Variants in GALNS observed in about 807,000 individuals in gnomAD.
GALNS encodes the protein galactosamine (N-acetyl)-6-sulfatase, also known as N-acetylgalactosamine-6-sulfatase.
GALNS carries 65 observed loss-of-function variants against 65.9 expected under a neutral mutation model. The ratio of observed to expected loss-of-function variants is 0.99; its 90% confidence interval spans 0.81 to 1.21. GALNS has a LOEUF of 1.21. Ranked by LOEUF, GALNS falls within the 50% of genes most tolerant of loss-of-function variation. The pLI is 0.00. For missense variants in GALNS, 776 were observed against 700.7 expected (o/e 1.11, Z -1.21); for synonymous variants, 346 against 288.9 (o/e 1.20, Z -2.00).
intron 1 of GALNS, among the ~76,000 whole-genome samples, chr16:88,852,120 A>G (rs1967533716): frequency 6.6e-6 from 1 of 152,180 alleles, no homozygotes; most frequent in Non-Finnish European, 1.5e-5. Flanking sequence ...GCCCACTGAC[A>G]CCTCATACAG....
intron 1 of GALNS, among the ~76,000 whole-genome samples, chr16:88,851,186 C>T (rs1967492000): frequency 6.6e-6 from 1 of 152,106 alleles, no homozygotes; most frequent in Non-Finnish European, 1.5e-5. Context: ...CACAGGGCAC[C>T]ACGGGCAGGA....
intron 9 of GALNS, among the ~76,000 whole-genome samples, chr16:88,829,770 A>G (rs2142997627): frequency 6.6e-6 from 1 of 152,230 alleles, no homozygotes; most frequent in South Asian, 2.1e-4. Context: ...AGTGGGGAAG[A>G]GGAGGATCTG....
chr16:88,835,812 T>C lies in GALNS; in HGVS notation c.671A>G (p.His224Arg). 2.5e-6 allele frequency: 4 copies of C among 1,613,994 alleles called. No individual in the cohort carries two copies. Among genetic ancestry groups the C allele is most frequent in the Non-Finnish European group, 3.4e-6 (4 of 1,179,978 alleles). ...GACAGCCCAGTAGAGGAAAAAGGGG[T>C]GGTGCCGTGCCTGTCTCTTAATGAA... ...LDFIKRQARHHPFFLYWAVDA... is the reference protein window; with the variant it reads ...LDFIKRQARHRPFFLYWAVDA... Residue 224 changes from histidine (H) to arginine (R), a missense_variant, in exon 7 of 14, where the codon CAC becomes CGC. By Grantham distance (29) the His-to-Arg change is conservative. Transcript: ENST00000268695.
Position 88,813,839 on chromosome 16 carries a change from T to C in GALNS, c.*600A>G, listed in dbSNP as rs1367978688. 1.3e-5 allele frequency: 2 copies of C among 157,004 alleles called. No homozygotes were observed. The highest frequency in any genetic ancestry group is 4.8e-5 in the African/African-American group (2 of 41,480). The allele number at this position is 157,004 out of a possible 1,614,324, so 9.7% of individuals were successfully genotyped here. On this transcript the variant is annotated 3_prime_UTR_variant, in exon 14 of 14. Transcript: ENST00000268695. ...CCTCATAATTAGCGTCCAGGGAAAT[T>C]CCTTGTGGACAAAGGACAGACGGAA...
Position 88,814,184 on chromosome 16 carries a change from G to A in GALNS, c.*255C>T. On this transcript the variant is annotated 3_prime_UTR_variant, in exon 14 of 14. Transcript: ENST00000268695. ...GGGTTCACAAAGGCGTGAGACGGCA[G>A]GGTCCTGAGGTCTGAGGCGCCGTGG... is the stretch of plus-strand genomic sequence containing the variant. 1.7e-6 allele frequency: 1 copy of A among 576,500 alleles called. No individual in the cohort carries two copies. The highest frequency in any genetic ancestry group is 2.0e-5 in the South Asian group (1 of 50,300). The allele number at this position is 576,500 out of a possible 1,614,324, so 35.7% of individuals were successfully genotyped here.
At chr16:88,854,057 C>T (rs957205544) in intron 1 of GALNS, among the ~76,000 whole-genome samples, 8 of 152,260 alleles carry the variant, frequency 5.3e-5, no homozygotes, top group Non-Finnish European at 1.0e-4. Context: ...AGGCCCCCCA[C>T]TGCCCAGCCA....
At position 88,856,887 on chromosome 16, in the gene GALNS, G is replaced by C. The variant is rs781533703; in HGVS notation, c.-10C>G. On this transcript the variant is annotated 5_prime_UTR_variant, in exon 1 of 14. Transcript: ENST00000268695. Reference sequence around the variant, plus strand: ...CGACAACCGCCGCCATGGCAACCACGGGAGCCGCGGAGCCCCGGCCAGCGA... The same window carrying C: ...CGACAACCGCCGCCATGGCAACCACCGGAGCCGCGGAGCCCCGGCCAGCGA... 4 of 1,504,914 alleles carry C rather than the reference G, an allele frequency of 2.7e-6. No individual in the cohort carries two copies. Among genetic ancestry groups the C allele is most frequent in the East Asian group, 5.5e-5 (2 of 36,666 alleles). The allele number at this position is 1,504,914 out of a possible 1,614,324, so 93.2% of individuals were successfully genotyped here. A position where few individuals can be genotyped will look rare whatever the true frequency, so the allele number is the denominator to read the frequency against.
At chr16:88,855,869 G>T in intron 1 of GALNS, 1 of 503,386 alleles carries the variant, frequency 2.0e-6, no homozygotes, top group Non-Finnish European at 3.6e-6. Context: ...GGGGCTGAGC[G>T]ACACCGACGG....
At chr16:88,824,599 T>C (rs888477741) in intron 11 of GALNS, among the ~76,000 whole-genome samples, 168 bp downstream of exon 11, 1 of 152,122 alleles carries the variant, frequency 6.6e-6, no homozygotes, top group East Asian at 1.9e-4. Flanking sequence ...TCAGCTGCCA[T>C]GCCCTAGGCC....
In GALNS at chr16:88,835,794, C is replaced by T. The variant is rs118204449; in HGVS notation, c.689G>A (p.Trp230Ter). The change falls in exon 7 of 14, where the codon TGG becomes TAG. Residue 230 changes from tryptophan to a stop codon, truncating the protein, a stop_gained. Coordinates refer to ENST00000268695, the MANE Select transcript of GALNS (RefSeq NM_000512.5). LOFTEE classifies it high-confidence loss of function. ...GGGTGCGTGCGTGGCGTCGACAGCC[C>T]AGTAGAGGAAAAAGGGGTGGTGCCG... ...QARHHPFFLY[W>*]AVDATHAPVY... 1 of 1,614,136 alleles carries T rather than the reference C, an allele frequency of 6.2e-7. No homozygotes were observed. Among genetic ancestry groups the T allele is most frequent in the Non-Finnish European group, 8.5e-7 (1 of 1,180,020 alleles).
In GALNS at chr16:88,832,030, C is replaced by A. The variant is rs569725890; in HGVS notation, c.970G>T (p.Ala324Ser). 31 of 1,613,634 alleles carry A rather than the reference C, an allele frequency of 1.9e-5. No homozygotes were observed. Among genetic ancestry groups the A allele is most frequent in the Non-Finnish European group, 2.4e-5 (28 of 1,179,886 alleles). ...FEGGMREPAL[A>S]WWPGHVTAGQ... ...GCAGTGACGTGCCCTGGCCACCATG[C>A]GAGGGCAGGCTCCCTCATCCCTCCT... The change falls in exon 9 of 14, where the codon GCA (alanine) becomes TCA (serine). Residue 324 changes from alanine to serine, a missense_variant. Coordinates refer to ENST00000268695, the MANE Select transcript of GALNS (RefSeq NM_000512.5).
chr16:88,827,851 G>A (rs1911092360), intron 9 of GALNS, among the ~76,000 whole-genome samples: 1 of 152,230 alleles, frequency 6.6e-6, no homozygotes, highest in Non-Finnish European at 1.5e-5. Context: ...GGGCAGCTGG[G>A]CAGGGACCGC....
chr16:88,818,049 G>A lies in GALNS; in HGVS notation c.1440C>T (p.Val480=), dbSNP rs1196615015. The part of the protein sequence containing the change: ...SVVQQHQEAL[V]PAQPQLNVCN... ...ACACGTTGAGCTGGGGCTGCGCGGG[G>A]ACCAAGGCCTCCTGGTGCTGCTGGA... The change falls in exon 13 of 14, where the codon GTC becomes GTT. Residue 480 remains valine (V), a synonymous_variant. Coordinates refer to ENST00000268695, the MANE Select transcript of GALNS (RefSeq NM_000512.5). 1.9e-6 allele frequency: 3 copies of A among 1,583,008 alleles called. No homozygotes were observed. In the African/African-American group the frequency reaches 4.0e-5, roughly 21 times the overall value.
intron 9 of GALNS, among the ~76,000 whole-genome samples, chr16:88,828,056 G>A (rs1003101447): frequency 8.5e-5 from 13 of 152,238 alleles, no homozygotes; most frequent in Admixed American, 8.5e-4. Context: ...GGTCTGCAGC[G>A]CCCAGTGTGG....
In GALNS at chr16:88,842,804, T is replaced by C. The variant is rs1354518201; in HGVS notation, c.146A>G (p.Tyr49Cys). ...DDMGWGDLGV[Y>C]GEPSRETPNL... Reference sequence around the variant, plus strand: ...CGGGGTCTCTCTGGAGGGCTCTCCATACACCCCGAGGTCACCCCATCCCAT... The same window carrying C: ...CGGGGTCTCTCTGGAGGGCTCTCCACACACCCCGAGGTCACCCCATCCCAT... The change falls in exon 2 of 14, where the codon TAT (tyrosine) becomes TGT (cysteine). Residue 49 changes from tyrosine (Y) to cysteine (C), a missense_variant. Physicochemically the swap from Tyr to Cys is radical, Grantham distance 194. Coordinates refer to ENST00000268695, the MANE Select transcript of GALNS (RefSeq NM_000512.5). The C allele has an allele frequency of 1.2e-6, 2 of 1,613,420 alleles. No individual in the cohort carries two copies. Among genetic ancestry groups the C allele is most frequent in the Non-Finnish European group, 1.7e-6 (2 of 1,179,958 alleles).
At chr16:88,854,631 C>T (rs2143010941) in intron 1 of GALNS, among the ~76,000 whole-genome samples, 1 of 152,356 alleles carries the variant, frequency 6.6e-6, no homozygotes, top group East Asian at 1.9e-4. Flanking sequence ...ATGACACGGG[C>T]AGAGCCAACC....
chr16:88,830,400 G>A (rs1364180763), intron 9 of GALNS, among the ~76,000 whole-genome samples: 1 of 152,168 alleles, frequency 6.6e-6, no homozygotes, highest in Non-Finnish European at 1.5e-5. Context: ...GAAGGAGCTG[G>A]CCCCACGCAC....
intron 1 of GALNS, chr16:88,843,388 C>T: frequency 2.4e-6 from 1 of 410,892 alleles, no homozygotes; most frequent in Non-Finnish European, 4.4e-6. Flanking sequence ...TACGAGCGTC[C>T]AGGGCAGCAC....
rs1209201803 is a variant in GALNS at position 88,856,844 on chromosome 16, GCCA to G, written c.31_33del (p.Trp11del). ...GCGGCGCTGAGCACCAGCAACAGCT[GCCA>G]CCACCTCGTCGCCGCGACAACCGCC... is the stretch of plus-strand genomic sequence containing the variant. On this transcript the variant is annotated inframe_deletion, in exon 1 of 14. Coordinates refer to ENST00000268695, the MANE Select transcript of GALNS (RefSeq NM_000512.5). The G allele has an allele frequency of 2.0e-6, 3 of 1,516,512 alleles. No homozygotes were observed. Among genetic ancestry groups the G allele is most frequent in the Non-Finnish European group, 2.6e-6 (3 of 1,141,542 alleles). The allele number at this position is 1,516,512 out of a possible 1,614,324, so 93.9% of individuals were successfully genotyped here.
Sources: allele counts gnomAD v4.1 joint callset (sites outside exome capture counted in the v4.1 genomes callset), GRCh38; gene constraint gnomAD v4.1.1; transcripts MANE v1.5; gene names NCBI Gene and HGNC (gene_info 2026-07-23, HGNC 2026-07-21).